Variants in MTUS1 observed in about 807,000 individuals in gnomAD.
The protein encoded by MTUS1 is microtubule associated scaffold protein 1.
A neutral mutation model predicts 120.8 loss-of-function variants in MTUS1; 109 were observed. The ratio of observed to expected loss-of-function variants is 0.90; its 90% CI spans 0.77 to 1.06. MTUS1 has a LOEUF of 1.06. Ranked by LOEUF, MTUS1 falls within the 50% of genes least tolerant of loss-of-function variation. MTUS1 has a pLI of 0.00. For synonymous variants in MTUS1, 737 were observed against 550.5 expected, an observed-to-expected ratio of 1.34 and a Z score of -4.74; for missense variants, 2,210 against 1,486.3, an observed-to-expected ratio of 1.49 and a Z score of -8.01.
intron 12 of MTUS1, among the ~76,000 whole-genome samples, chr8:17,652,750 C>A (rs929074803): frequency 3.3e-5 from 5 of 151,488 alleles, no homozygotes; most frequent in Non-Finnish European, 7.4e-5. Flanking sequence ...GCAGGAGACT[C>A]GCTTGAACCC....
At chr8:17,667,003 A>G (rs1811061755) in intron 8 of MTUS1, among the ~76,000 whole-genome samples, 2 of 152,212 alleles carry the variant, frequency 1.3e-5, no homozygotes, top group African/African-American at 4.8e-5. Context: ...GGGAGCCACT[A>G]TTCTACACAA....
intron 13 of MTUS1, among the ~76,000 whole-genome samples, chr8:17,649,059 G>A (rs989175824): frequency 3.9e-5 from 6 of 151,914 alleles, no homozygotes; most frequent in Non-Finnish European, 5.9e-5. Context: ...GGTAACACCT[G>A]CTACTTGTCC....
intron 6 of MTUS1, among the ~76,000 whole-genome samples, chr8:17,706,955 T>C (rs965698324): frequency 6.6e-6 from 1 of 152,204 alleles, no homozygotes; most frequent in Non-Finnish European, 1.5e-5. Flanking sequence ...CAAACTGCTA[T>C]AATTAAAAGT....
chr8:17,760,253 G>C (rs1416746953), intron 1 of MTUS1, among the ~76,000 whole-genome samples: 1 of 151,726 alleles, frequency 6.6e-6, no homozygotes, highest in Non-Finnish European at 1.5e-5. Flanking sequence ...ATTTCAAATT[G>C]GTGAGCAAAG....
At chr8:17,722,191 C>A in intron 4 of MTUS1, 2 of 1,053,310 alleles carry the variant, frequency 1.9e-6, no homozygotes, top group Non-Finnish European at 2.3e-6. Context: ...AAGCACTTTA[C>A]AGCCTCCTTA....
intron 1 of MTUS1, among the ~76,000 whole-genome samples, chr8:17,760,702 G>C (rs1245142140): frequency 1.3e-5 from 2 of 151,708 alleles, no homozygotes; most frequent in Non-Finnish European, 2.9e-5. Flanking sequence ...TCATATTGCT[G>C]TAGTTGCTAT....
chr8:17,689,183 C>G (rs978085280), intron 6 of MTUS1, among the ~76,000 whole-genome samples: 1 of 152,110 alleles, frequency 6.6e-6, no homozygotes, highest in African/African-American at 2.4e-5. Flanking sequence ...TGCACTCCAG[C>G]CTGGGTGACA....
rs749867016 is a variant in MTUS1, at chr8:17,755,255, G to T, written c.553C>A (p.His185Asn). ...GTTGGTGGCAGGCTTCCAGCAGTAT[G>T]GAAGGACTGACTCTTTCCGATGGCA... ...HHAIGKSQSFHTAGSLPPTGR... is the reference protein window; with the variant it reads ...HHAIGKSQSFNTAGSLPPTGR... Residue 185 changes from histidine to asparagine, a missense_variant, in exon 2 of 15, where the codon CAT (histidine) becomes AAT (asparagine). Physicochemically the swap from His to Asn is moderately conservative, Grantham distance 68 (BLOSUM62 1). Transcript: ENST00000693296. 4.3e-6 allele frequency: 7 copies of T among 1,614,182 alleles called. No individual in the cohort carries two copies. Among genetic ancestry groups the T allele is most frequent in the Non-Finnish European group, 4.2e-6 (5 of 1,180,008 alleles).
At chr8:17,686,759 AC>A (rs1386807612) in intron 6 of MTUS1, among the ~76,000 whole-genome samples, 1 of 152,228 alleles carries the variant, frequency 6.6e-6, no homozygotes, top group Non-Finnish European at 1.5e-5. Flanking sequence ...TAAATCCGTA[AC>A]AAAAATATCA....
chr8:17,727,713 T>C (rs1171471456), intron 3 of MTUS1, among the ~76,000 whole-genome samples: 1 of 152,212 alleles, frequency 6.6e-6, no homozygotes, highest in Non-Finnish European at 1.5e-5. Context: ...ATTGTGTAAC[T>C]TATCCCAGAT....
At chr8:17,775,127 GT>G (rs1419485148) in intron 1 of MTUS1, among the ~76,000 whole-genome samples, 1 of 151,892 alleles carries the variant, frequency 6.6e-6, no homozygotes, top group East Asian at 1.9e-4. Flanking sequence ...TGTTAAATGG[GT>G]ACAGTTTCTG....
chr8:17,722,115 G>A (rs2045891351), intron 4 of MTUS1: 33 of 1,275,580 alleles, frequency 2.6e-5, no homozygotes, highest in East Asian at 3.1e-5. Context: ...GGAACACATC[G>A]CCACTAGACA....
chr8:17,766,453 T>C (rs2049496246), intron 1 of MTUS1, among the ~76,000 whole-genome samples: 1 of 152,240 alleles, frequency 6.6e-6, no homozygotes, highest in Admixed American at 6.5e-5. Context: ...CAAACCTCTC[T>C]CAGCACTTGA....
chr8:17,743,491 C>T (rs901512871), intron 3 of MTUS1, 113 bp downstream of exon 3: 3 of 987,250 alleles, frequency 3.0e-6, no homozygotes, highest in African/African-American at 3.3e-5. Context: ...GCTCAGGATG[C>T]TGATCCACAA....
intron 8 of MTUS1, among the ~76,000 whole-genome samples, chr8:17,664,945 C>T (rs1810575825): frequency 6.6e-6 from 1 of 152,118 alleles, no homozygotes; most frequent in Non-Finnish European, 1.5e-5. Flanking sequence ...CCAGACTATC[C>T]CACAAATAGG....
intron 1 of MTUS1, among the ~76,000 whole-genome samples, chr8:17,787,372 G>C (rs2131561146): frequency 6.6e-6 from 1 of 152,304 alleles, no homozygotes; most frequent in Non-Finnish European, 1.5e-5. Flanking sequence ...TGCTAAACCT[G>C]ATGTTTCCAG....
chr8:17,675,473 T>G (rs1189797297), intron 7 of MTUS1, among the ~76,000 whole-genome samples: 2 of 152,226 alleles, frequency 1.3e-5, no homozygotes, highest in African/African-American at 4.8e-5. Flanking sequence ...CCAGTGAAAC[T>G]TTGGTTTGAC....
At chr8:17,789,103 G>A (rs142265054) in intron 1 of MTUS1, among the ~76,000 whole-genome samples, 72 of 151,772 alleles carry the variant, frequency 4.7e-4, no homozygotes, top group African/African-American at 1.7e-3. Flanking sequence ...CACGATCTCA[G>A]CTCACCACAA....
intron 1 of MTUS1, among the ~76,000 whole-genome samples, chr8:17,775,077 A>C (rs1478730989): frequency 6.6e-6 from 1 of 151,220 alleles, no homozygotes; most frequent in Non-Finnish European, 1.5e-5. Context: ...AGTCAATTCG[A>C]GGTTACCAGG....
Sources: allele counts gnomAD v4.1 joint callset (sites outside exome capture counted in the v4.1 genomes callset), GRCh38; gene constraint gnomAD v4.1.1; transcripts MANE v1.5; gene names NCBI Gene and HGNC (gene_info 2026-07-23, HGNC 2026-07-21).